The following DNAAF4 variants were observed in gnomAD, a reference collection of about 807,000 sequenced individuals.
DNAAF4 encodes the protein dynein axonemal assembly factor 4.
DNAAF4 carries 43 observed loss-of-function variants against 51.8 expected under a neutral mutation model. That is an observed-to-expected ratio of 0.83 (90% CI 0.65 to 1.07). The LOEUF (loss-of-function observed/expected upper bound fraction) is 1.07, where lower values mean the gene tolerates loss of function less well. Ranked by LOEUF, DNAAF4 falls within the 50% of genes least tolerant of loss-of-function variation. DNAAF4 has a pLI of 0.00. For missense variants in DNAAF4, 581 were observed against 493.0 expected (o/e 1.18, Z -1.69); for synonymous variants, 194 against 165.6 (o/e 1.17, Z -1.32).
intron 7 of DNAAF4, among the ~76,000 whole-genome samples, chr15:55,419,874 T>C (rs1393235646): frequency 1.3e-5 from 2 of 151,776 alleles, no homozygotes; most frequent in African/African-American, 4.8e-5. Flanking sequence ...TGGCGGCGGG[T>C]GCCTGTAATC....
chr15:55,457,188 C>T (rs1168576686), intron 5 of DNAAF4, among the ~76,000 whole-genome samples: 1 of 152,126 alleles, frequency 6.6e-6, no homozygotes, highest in East Asian at 1.9e-4. Context: ...TCACCAACTG[C>T]CTGGATATAA....
chr15:55,418,126 C>A (rs1216923754), exon 8 of DNAAF4: 2 of 1,578,424 alleles, frequency 1.3e-6, no homozygotes, highest in East Asian at 2.2e-5. Flanking sequence ...CTCAAGAGAA[C>A]AGAATTCCTG....
Position 55,488,883 on chromosome 15 carries a change from G to C in DNAAF4, c.405+2240C>G, listed in dbSNP as rs554983141. Among the ~76,000 whole-genome samples the C allele has an allele frequency of 2.6e-5, 4 of 152,176 alleles. No homozygotes were observed. The South Asian group carries it at 8.3e-4, about 32-fold the overall frequency. ...ACGGGCAGATCACGAGGTTAGGAGA[G>C]CGAGACCATCCTGGCTAACACAGTG... On this transcript the variant is annotated intron_variant, in intron 4 of 9. Coordinates refer to ENST00000321149, the MANE Select transcript of DNAAF4 (RefSeq NM_130810.4).
chr15:55,505,446 A>G (rs2058721867), intron 1 of DNAAF4, among the ~76,000 whole-genome samples: 3 of 152,174 alleles, frequency 2.0e-5, no homozygotes, highest in Admixed American at 2.0e-4. Flanking sequence ...AAATCATGCT[A>G]CTATAAAGAC....
At chr15:55,452,750 C>T (rs1046907076) in intron 5 of DNAAF4, among the ~76,000 whole-genome samples, 1 of 152,180 alleles carries the variant, frequency 6.6e-6, no homozygotes, top group African/African-American at 2.4e-5. Context: ...GCTTCATCAT[C>T]GAACTTAAAG....
intron 6 of DNAAF4, 144 bp from the exon 7 acceptor site, chr15:55,439,725 A>G (rs1231065065): frequency 1.5e-6 from 1 of 674,388 alleles, no homozygotes; most frequent in Non-Finnish European, 2.4e-6. Context: ...CTCTCCTCCA[A>G]ATTGATATAC....
At chr15:55,433,787 A>T (rs1332058788) in intron 8 of DNAAF4, among the ~76,000 whole-genome samples, 99 of 104,826 alleles carry the variant, frequency 9.4e-4, no homozygotes, top group African/African-American at 2.1e-3. Flanking sequence ...TATAAAACAA[A>T]TATATATATT....
At chr15:55,428,003 A>C (rs2057447928), downstream of DNAAF4, among the ~76,000 whole-genome samples, 1 of 152,000 alleles carries the variant, frequency 6.6e-6, no homozygotes, top group Admixed American at 6.6e-5. Context: ...CCCAGGCCGT[A>C]GTGCAATGGC....
At chr15:55,454,804 A>G (rs1595912745) in intron 5 of DNAAF4, among the ~76,000 whole-genome samples, 1 of 152,272 alleles carries the variant, frequency 6.6e-6, no homozygotes, top group East Asian at 1.9e-4. Flanking sequence ...TATAAAATTG[A>G]ACTTATACTA....
In DNAAF4 at chr15:55,443,213, C is replaced by A; in HGVS notation, c.784-3632G>T. The A allele has an allele frequency of 2.5e-6, 4 of 1,609,502 alleles. No homozygotes were observed. The South Asian group carries it at 4.4e-5, about 18-fold the overall frequency. On this transcript the variant is annotated intron_variant, in intron 6 of 9. Coordinates refer to ENST00000321149, the MANE Select transcript of DNAAF4 (RefSeq NM_130810.4). The stretch of plus-strand genomic sequence containing the variant: ...TCCTTGTTCCAGCTGGGGTTGGGGA[C>A]AGAATAGTCCTTAAGAATGACTTCC...
chr15:55,483,446 T>C (rs1162090875), intron 4 of DNAAF4, among the ~76,000 whole-genome samples: 1 of 152,126 alleles, frequency 6.6e-6, no homozygotes, highest in East Asian at 1.9e-4. Flanking sequence ...ATAGTGGTGA[T>C]GGCTGAATAA....
At chr15:55,470,031 A>AAAT (rs2058230106) in intron 4 of DNAAF4, among the ~76,000 whole-genome samples, 1 of 151,370 alleles carries the variant, frequency 6.6e-6, no homozygotes, top group African/African-American at 2.4e-5. Context: ...GGAATCAGAT[A>AAAT]AATACCTCGC....
intron 4 of DNAAF4, among the ~76,000 whole-genome samples, chr15:55,475,697 G>T (rs1188779757): frequency 6.6e-6 from 1 of 152,090 alleles, no homozygotes; most frequent in Admixed American, 6.6e-5. Flanking sequence ...TGTATTTTTT[G>T]ATCATAAATG....
chr15:55,485,427 C>T (rs1595945054), intron 4 of DNAAF4, among the ~76,000 whole-genome samples: 2 of 152,238 alleles, frequency 1.3e-5, no homozygotes, highest in Admixed American at 1.3e-4. Flanking sequence ...TGATAAGGAT[C>T]ATTTTGAGGT....
chr15:55,427,109 C>T (rs1382837421), downstream of DNAAF4, among the ~76,000 whole-genome samples: 2 of 152,106 alleles, frequency 1.3e-5, no homozygotes. Context: ...CTCTGTCGCC[C>T]AGGCTGGAGT....
At chr15:55,470,814 G>C (rs1338388867) in intron 4 of DNAAF4, among the ~76,000 whole-genome samples, 2 of 150,084 alleles carry the variant, frequency 1.3e-5, no homozygotes, top group Non-Finnish European at 3.0e-5. Flanking sequence ...CAAAGTGCTG[G>C]GATTTACAGA....
rs111418694 is a variant in DNAAF4, at chr15:55,473,231, GTATA to G, written c.406-6074_406-6071del. Among the ~76,000 whole-genome samples, 41 of 98,328 alleles carry G rather than the reference GTATA, an allele frequency of 4.2e-4. 4 individuals are homozygous for G. The East Asian group carries it at 6.2e-3, about 15-fold the overall frequency. 64.5% of individuals were successfully genotyped at this position (98,328 alleles called of 152,430 possible). ...TATATATATATATATATGTGTGTGT[GTATA>G]TATATATATGTGTGTGTATATATAT... On this transcript the variant is annotated intron_variant, in intron 4 of 9. Transcript: ENST00000321149.
intron 9 of DNAAF4, among the ~76,000 whole-genome samples, chr15:55,432,118 G>T (rs1016629500): frequency 3.9e-5 from 6 of 151,958 alleles, no homozygotes; most frequent in Admixed American, 1.3e-4. Context: ...ACTACGCCAA[G>T]CTAATTTTGT....
intron 5 of DNAAF4, among the ~76,000 whole-genome samples, chr15:55,453,752 G>C (rs1194536401): frequency 1.3e-5 from 2 of 151,240 alleles, no homozygotes; most frequent in East Asian, 3.9e-4. Context: ...GGGTTTCACC[G>C]GGTTAGCCAG....
Sources: gnomAD v4.1 joint callset for allele counts (sites outside exome capture counted in the v4.1 genomes callset) on GRCh38, gnomAD v4.1.1 for gene constraint, MANE v1.5 for transcripts, NCBI Gene and HGNC (gene_info 2026-07-23, HGNC 2026-07-21) for gene names.